YPEL1: variants seen among roughly 807,000 people sequenced by gnomAD.
YPEL1 encodes yippee like 1, also known as protein yippee-like 1.
In YPEL1, 7 loss-of-function variants were observed where a neutral mutation model predicts 17.3. The observed-to-expected ratio is 0.40, with a 90% CI of 0.23 to 0.76. YPEL1 has a LOEUF of 0.76. Ranked by LOEUF, YPEL1 falls within the 30% of genes least tolerant of loss-of-function variation. The probability of loss-of-function intolerance (pLI) is 0.35; values close to 1 mark genes in which losing one functional copy is unlikely to be tolerated. For missense variants in YPEL1, 91 were observed against 155.5 expected (o/e 0.59, Z 2.21); for synonymous variants, 59 against 59.6 (o/e 0.99, Z 0.05).
At position 21,698,778 on chromosome 22, in the gene YPEL1, C is replaced by T. The variant is rs993406838; in HGVS notation, c.*2351G>A. On this transcript the variant is annotated 3_prime_UTR_variant, in exon 5 of 5. Transcript: ENST00000339468. ...GGCTTGAGACCATGGCAGCAAGAGC[C>T]CTGCAGCGTGCAGTGACCCCTGCGC... is the stretch of plus-strand genomic sequence containing the variant. 6.6e-6 allele frequency: 1 copy of T among 152,418 alleles called. No individual in the cohort carries two copies. Among genetic ancestry groups the T allele is most frequent in the Non-Finnish European group, 1.5e-5 (1 of 68,084 alleles). The allele number at this position is 152,418 out of a possible 1,614,324, so 9.4% of individuals were successfully genotyped here. A position where few individuals can be genotyped will look rare whatever the true frequency, so the allele number is the denominator to read the frequency against.
chr22:21,723,431 G>A (rs905820764), intron 1 of YPEL1, among the ~76,000 whole-genome samples: 11 of 152,060 alleles, frequency 7.2e-5, no homozygotes, highest in African/African-American at 2.2e-4. Flanking sequence ...GCAGTGGCGC[G>A]ATCTCGGTTC....
intron 4 of YPEL1, among the ~76,000 whole-genome samples, chr22:21,701,872 C>T (rs1400837430): frequency 6.6e-6 from 1 of 152,044 alleles, no homozygotes; most frequent in Non-Finnish European, 1.5e-5. Context: ...CAAGCCTACG[C>T]AACACAGTGA....
Position 21,699,441 on chromosome 22 carries a change from C to G in YPEL1, c.*1688G>C, listed in dbSNP as rs2068041449. ...CATCCTCTGCAAAGTGGCCTAAACC[C>G]TTATGGGGTGCCCACTCCTGGTGGA... On this transcript the variant is annotated 3_prime_UTR_variant, in exon 5 of 5. Coordinates refer to ENST00000339468, the MANE Select transcript of YPEL1 (RefSeq NM_013313.5). The G allele has an allele frequency of 6.6e-6, 1 of 152,280 alleles. No individual in the cohort carries two copies. Among genetic ancestry groups the G allele is most frequent in the Admixed American group, 6.6e-5 (1 of 15,252 alleles). 9.4% of individuals were successfully genotyped at this position (152,280 alleles called of 1,614,324 possible). A position where few individuals can be genotyped will look rare whatever the true frequency, so the allele number is the denominator to read the frequency against.
In YPEL1 at chr22:21,701,071, T is replaced by C; in HGVS notation, c.*58A>G. On this transcript the variant is annotated 3_prime_UTR_variant, in exon 5 of 5. Transcript: ENST00000339468. ...GTCACCAGATGCTCCTACGTTTCCATTACATTCACAGTTTCTTTCACAAAA... is the reference window on the plus strand; with the variant it reads ...GTCACCAGATGCTCCTACGTTTCCACTACATTCACAGTTTCTTTCACAAAA... 2.7e-6 allele frequency: 4 copies of C among 1,499,984 alleles called. No homozygotes were observed. The highest frequency in any genetic ancestry group is 1.7e-5 in the Admixed American group (1 of 59,516). 92.9% of individuals were successfully genotyped at this position (1,499,984 alleles called of 1,614,324 possible).
At chr22:21,730,056 G>A (rs1452843060) in intron 1 of YPEL1, among the ~76,000 whole-genome samples, 2 of 151,870 alleles carry the variant, frequency 1.3e-5, no homozygotes, top group African/African-American at 4.8e-5. Flanking sequence ...GGAGGCTGAG[G>A]CGGGAGAACT....
chr22:21,701,511 C>G (rs2148593651), intron 4 of YPEL1, among the ~76,000 whole-genome samples: 1 of 152,336 alleles, frequency 6.6e-6, no homozygotes, highest in African/African-American at 2.4e-5. Context: ...CACTCTGTCA[C>G]TCAGGCTGGA....
At chr22:21,722,028 T>C (rs921143272) in intron 1 of YPEL1, among the ~76,000 whole-genome samples, 2 of 152,224 alleles carry the variant, frequency 1.3e-5, no homozygotes, top group Non-Finnish European at 2.9e-5. Context: ...GGTACATCCA[T>C]GTTGTTGCCT....
intron 1 of YPEL1, among the ~76,000 whole-genome samples, chr22:21,726,563 C>G (rs1196364262): frequency 6.6e-6 from 1 of 152,172 alleles, no homozygotes; most frequent in African/African-American, 2.4e-5. Context: ...GGAGGGGACC[C>G]TCTGACCACC....
chr22:21,727,602 G>A (rs2148614267), intron 1 of YPEL1, among the ~76,000 whole-genome samples: 1 of 152,334 alleles, frequency 6.6e-6, no homozygotes, highest in African/African-American at 2.4e-5. Context: ...ATTATTTTAA[G>A]AGAATGTGAA....
intron 1 of YPEL1, among the ~76,000 whole-genome samples, chr22:21,714,627 C>T (rs560101201): frequency 4.6e-5 from 7 of 152,174 alleles, no homozygotes; most frequent in Non-Finnish European, 5.9e-5. Context: ...CTGAGCCGCA[C>T]AGGCAGGTGT....
At chr22:21,707,120 TA>T (rs917460276) in intron 2 of YPEL1, among the ~76,000 whole-genome samples, 2 of 151,958 alleles carry the variant, frequency 1.3e-5, no homozygotes, top group Middle Eastern at 3.2e-3. Flanking sequence ...TTATATAATT[TA>T]AAAAAAATTA....
chr22:21,710,400 T>G, intron 2 of YPEL1: 1 of 569,900 alleles, frequency 1.8e-6, no homozygotes, highest in Non-Finnish European at 3.1e-6. Context: ...GAGTGCCAGC[T>G]GCCTGGCCCT....
At chr22:21,713,481 G>A (rs531647510) in intron 1 of YPEL1, among the ~76,000 whole-genome samples, 79 of 152,310 alleles carry the variant, frequency 5.2e-4, no homozygotes, top group African/African-American at 1.4e-3. Context: ...GAGGAACCCT[G>A]AGGACACTAT....
chr22:21,720,310 T>C (rs948737307), intron 1 of YPEL1, among the ~76,000 whole-genome samples: 1 of 150,328 alleles, frequency 6.7e-6, no homozygotes, highest in Non-Finnish European at 1.5e-5. Flanking sequence ...GCTCAAGCAA[T>C]CCTCCCAGCT....
At chr22:21,727,078 G>A (rs760674220) in intron 1 of YPEL1, among the ~76,000 whole-genome samples, 1 of 152,202 alleles carries the variant, frequency 6.6e-6, no homozygotes, top group Non-Finnish European at 1.5e-5. Flanking sequence ...TACCTGAAGA[G>A]CCTGCTGCCC....
intron 2 of YPEL1, chr22:21,710,340 C>T (rs1408346887): frequency 4.2e-6 from 2 of 471,078 alleles, no homozygotes; most frequent in Non-Finnish European, 7.7e-6. Context: ...TCCTCTCTGG[C>T]TTTCTGCTGT....
At chr22:21,733,312 G>A (rs1231215541) in intron 1 of YPEL1, among the ~76,000 whole-genome samples, 5 of 151,872 alleles carry the variant, frequency 3.3e-5, no homozygotes. Flanking sequence ...AGCTACTCGG[G>A]AGGCTGAGAC....
At chr22:21,711,119 G>C (rs1472930346) in intron 1 of YPEL1, among the ~76,000 whole-genome samples, 1 of 151,762 alleles carries the variant, frequency 6.6e-6, no homozygotes, top group Non-Finnish European at 1.5e-5. Flanking sequence ...CTCCTCCTGG[G>C]TTCAAGCGAT....
chr22:21,731,538 GGA>G (rs2068386807), intron 1 of YPEL1, among the ~76,000 whole-genome samples: 3 of 137,894 alleles, frequency 2.2e-5, no homozygotes, highest in Admixed American at 7.3e-5. Flanking sequence ...AGAGAAGGGG[GGA>G]AAAAAAAAAA....
Sources: allele counts gnomAD v4.1 joint callset (sites outside exome capture counted in the v4.1 genomes callset), GRCh38; gene constraint gnomAD v4.1.1; transcripts MANE v1.5; gene names NCBI Gene and HGNC (gene_info 2026-07-23, HGNC 2026-07-21).